LIMCH1: variants seen among roughly 807,000 people sequenced by gnomAD.
LIMCH1 encodes LIM and calponin homology domains-containing protein 1.
Under a neutral mutation model 176.5 loss-of-function variants are expected in LIMCH1, and 113 were observed. The ratio of observed to expected loss-of-function variants is 0.64; its 90% CI spans 0.55 to 0.75. The LOEUF (loss-of-function observed/expected upper bound fraction) is 0.75. Among genes scored for constraint, LIMCH1 ranks in the 30% least tolerant of loss-of-function variants. LIMCH1 has a pLI of 0.00. For missense variants in LIMCH1, 1,674 were observed against 1,814.9 expected (o/e 0.92, Z 1.41); for synonymous variants, 619 against 645.9 (o/e 0.96, Z 0.63).
intron 1 of LIMCH1, among the ~76,000 whole-genome samples, chr4:41,384,472 TG>T (rs2056206379): frequency 6.6e-6 from 1 of 152,112 alleles, no homozygotes; most frequent in Non-Finnish European, 1.5e-5. Flanking sequence ...CCTCCCAAAG[TG>T]CTGGGATTAC....
chr4:41,506,116 A>G (rs903350990), intron 2 of LIMCH1, among the ~76,000 whole-genome samples: 1 of 152,234 alleles, frequency 6.6e-6, no homozygotes, highest in Non-Finnish European at 1.5e-5. Flanking sequence ...TTGCAAACGT[A>G]TTGTCATGAA....
chr4:41,614,604 G>C (rs959800604), intron 5 of LIMCH1, among the ~76,000 whole-genome samples: 14 of 152,106 alleles, frequency 9.2e-5, no homozygotes, highest in Admixed American at 9.2e-4. Context: ...ATAAAATTCT[G>C]TTACGAAAAT....
intron 1 of LIMCH1, among the ~76,000 whole-genome samples, chr4:41,445,975 G>A (rs2063239204): frequency 6.6e-6 from 1 of 152,126 alleles, no homozygotes; most frequent in African/African-American, 2.4e-5. Context: ...TTGAAATTGT[G>A]GAAAGAACTA....
chr4:41,482,723 A>G (rs115427442), intron 1 of LIMCH1, among the ~76,000 whole-genome samples: 1,856 of 152,314 alleles, frequency 0.012, 36 homozygotes, highest in African/African-American at 0.043. Context: ...GCCAATAATG[A>G]TAATGGAATG....
intron 1 of LIMCH1, among the ~76,000 whole-genome samples, chr4:41,476,090 G>A (rs1013084622): frequency 1.1e-4 from 16 of 152,164 alleles, no homozygotes; most frequent in African/African-American, 1.9e-4. Flanking sequence ...TCCTGCCTCA[G>A]CCTTTCAAAG....
chr4:41,673,592 T>A (rs1345080944), intron 22 of LIMCH1, among the ~76,000 whole-genome samples: 1 of 152,126 alleles, frequency 6.6e-6, no homozygotes, highest in African/African-American at 2.4e-5. Context: ...ACTCTGGCTA[T>A]TTTTGGTCAG....
chr4:41,478,741 C>T (rs1033864003), intron 1 of LIMCH1, among the ~76,000 whole-genome samples: 4 of 152,202 alleles, frequency 2.6e-5, no homozygotes, highest in Non-Finnish European at 5.9e-5. Flanking sequence ...TCCTTCCCAT[C>T]CTCATTGGTA....
chr4:41,610,535 G>T (rs1045308963), intron 4 of LIMCH1, among the ~76,000 whole-genome samples: 5 of 152,202 alleles, frequency 3.3e-5, no homozygotes, highest in Admixed American at 1.3e-4. Context: ...AGAATAAATT[G>T]TAGTAATTAT....
chr4:41,599,249 AT>A (rs2089493909), intron 2 of LIMCH1: 1 of 372,870 alleles, frequency 2.7e-6, no homozygotes. Context: ...ATTCTTGCAT[AT>A]AGAGTTTGAA....
intron 1 of LIMCH1, among the ~76,000 whole-genome samples, chr4:41,597,367 A>T (rs2089071088): frequency 6.6e-6 from 1 of 152,190 alleles, no homozygotes. Context: ...GGAATAATGC[A>T]TGGTGAATAA....
intron 13 of LIMCH1, among the ~76,000 whole-genome samples, chr4:41,634,380 G>A (rs2093473201): frequency 6.6e-6 from 1 of 152,122 alleles, no homozygotes; most frequent in African/African-American, 2.4e-5. Flanking sequence ...TTTGTTAAAT[G>A]TATGGTAAGC....
chr4:41,596,856 G>C (rs182262573), intron 1 of LIMCH1, among the ~76,000 whole-genome samples: 40 of 152,240 alleles, frequency 2.6e-4, no homozygotes, highest in African/African-American at 8.7e-4. Flanking sequence ...GTGAACAATG[G>C]CATCTCTTGC....
chr4:41,392,818 G>T (rs1652162400), intron 1 of LIMCH1, among the ~76,000 whole-genome samples: 1 of 152,120 alleles, frequency 6.6e-6, no homozygotes, highest in Admixed American at 6.6e-5. Flanking sequence ...ATCACTTGAG[G>T]TCAGGAATTC....
chr4:41,622,613 C>A (rs2092666665), intron 7 of LIMCH1, among the ~76,000 whole-genome samples: 1 of 152,200 alleles, frequency 6.6e-6, no homozygotes, highest in South Asian at 2.1e-4. Context: ...CATACACGTA[C>A]TGTGCCACTT....
intron 1 of LIMCH1, among the ~76,000 whole-genome samples, chr4:41,539,963 G>A (rs1270707923): frequency 6.6e-6 from 1 of 152,184 alleles, no homozygotes; most frequent in Non-Finnish European, 1.5e-5. Context: ...TGAATGACCA[G>A]GATACTGTTC....
In LIMCH1 at chr4:41,654,352, A is replaced by G. The variant is rs181318785; in HGVS notation, c.3036+3744A>G. On this transcript the variant is annotated intron_variant, in intron 18 of 31. Coordinates refer to ENST00000503057, the MANE Select transcript of LIMCH1 (RefSeq NM_001330672.2). ...CACGAGGGTAAACAACCGATACTCT[A>G]TAGTGCACTGAATCTCCAGATGATT... Among the ~76,000 whole-genome samples the G allele has an allele frequency of 6.4e-4, 97 of 152,288 alleles. 1 individual carries two copies. The highest frequency in any genetic ancestry group is 2.3e-3 in the African/African-American group (95 of 41,560).
At chr4:41,685,444 A>G (rs1719936862) in intron 27 of LIMCH1, among the ~76,000 whole-genome samples, 2 of 152,168 alleles carry the variant, frequency 1.3e-5, no homozygotes. Context: ...GCTTTCTTTC[A>G]TGCATAAGAA....
intron 1 of LIMCH1, among the ~76,000 whole-genome samples, chr4:41,434,723 G>A (rs558853702): frequency 5.9e-5 from 9 of 152,234 alleles, no homozygotes; most frequent in African/African-American, 1.9e-4. Flanking sequence ...TGCTATGTTG[G>A]CCAGGCTGGT....
rs527890358 is a variant in LIMCH1 at position 41,573,832 on chromosome 4, T to G, written c.-240-25088T>G. Among the ~76,000 whole-genome samples the G allele has an allele frequency of 1.6e-4, 25 of 152,262 alleles. No homozygotes were observed. The South Asian group carries it at 4.6e-3, about 28-fold the overall frequency. ...CTCATAAAGGTTGTAATACACACTTTGCATGTGTAAAGTATTATAAGGGAC... is the reference window on the plus strand; with the variant it reads ...CTCATAAAGGTTGTAATACACACTTGGCATGTGTAAAGTATTATAAGGGAC... On this transcript the variant is annotated intron_variant, in intron 1 of 31. Transcript: ENST00000503057.
Sources: gnomAD v4.1 joint callset for allele counts (sites outside exome capture counted in the v4.1 genomes callset) on GRCh38, gnomAD v4.1.1 for gene constraint, MANE v1.5 for transcripts, NCBI Gene and HGNC (gene_info 2026-07-23, HGNC 2026-07-21) for gene names.